The following DYNC2H1 variants were observed in gnomAD, a reference collection of about 807,000 sequenced individuals.
DYNC2H1 encodes dynein cytoplasmic 2 heavy chain 1.
In DYNC2H1, 410 loss-of-function variants were observed where a neutral mutation model predicts 570.0. That is an observed-to-expected ratio of 0.72 (90% CI 0.66 to 0.78). DYNC2H1 has a LOEUF of 0.78. Among genes scored for constraint, DYNC2H1 ranks in the 30% least tolerant of loss-of-function variants. The probability of loss-of-function intolerance (pLI) is 0.00; values close to 1 mark genes in which losing one functional copy is unlikely to be tolerated. For synonymous variants in DYNC2H1, 1,688 were observed against 1,677.6 expected (o/e 1.01, Z -0.15); for missense variants, 4,865 against 5,046.4 (o/e 0.96, Z 1.09).
At chr11:103,457,892 C>T (rs1944851457) in intron 87 of DYNC2H1, among the ~76,000 whole-genome samples, 1 of 152,030 alleles carries the variant, frequency 6.6e-6, no homozygotes, top group African/African-American at 2.4e-5. Context: ...ATTTTTTTAA[C>T]TTTTTGACTT....
In DYNC2H1 at chr11:103,228,066, A is replaced by G. The variant is rs1273602077; in HGVS notation, c.9354-3194A>G. On this transcript the variant is annotated intron_variant, in intron 59 of 88. Transcript: ENST00000375735. The surrounding 1 kb of genome is among the most constrained non-coding windows in gnomAD (Gnocchi z 6.1). The stretch of plus-strand genomic sequence containing the variant: ...TTTTCCACCCCTTTACCTTAAGTTT[A>G]TGAGAGTCCTTATTGTGTCAGGTGA... 6.6e-6 allele frequency among the ~76,000 whole-genome samples: 1 copy of G among 152,132 alleles called. No homozygotes were observed. Among genetic ancestry groups the G allele is most frequent in the Non-Finnish European group, 1.5e-5 (1 of 68,018 alleles).
intron 1 of DYNC2H1, among the ~76,000 whole-genome samples, chr11:103,110,063 C>T (rs1858036964): frequency 6.6e-6 from 1 of 152,144 alleles, no homozygotes; most frequent in South Asian, 2.1e-4. Flanking sequence ...TTCGTTCTGT[C>T]GCTTAGGCTG....
intron 26 of DYNC2H1, among the ~76,000 whole-genome samples, chr11:103,158,313 G>T (rs1286811586): frequency 6.6e-6 from 1 of 152,168 alleles, no homozygotes; most frequent in Non-Finnish European, 1.5e-5. Context: ...GCTAGGCGCG[G>T]TGGCGGGTGC....
At chr11:103,427,607 G>GT (rs1434780253) in intron 84 of DYNC2H1, among the ~76,000 whole-genome samples, 1 of 152,140 alleles carries the variant, frequency 6.6e-6, no homozygotes, top group Non-Finnish European at 1.5e-5. Context: ...AGGGCTGGCA[G>GT]ATCTGGTGGT....
At chr11:103,301,872 A>G (rs1307787167) in intron 75 of DYNC2H1, among the ~76,000 whole-genome samples, 2 of 151,838 alleles carry the variant, frequency 1.3e-5, no homozygotes, top group South Asian at 2.1e-4. Context: ...ATTCACTTCT[A>G]TTTTTGAGAA....
rs1418129915 is a variant in DYNC2H1 at position 103,239,559 on chromosome 11, G to A, written c.9819+3020G>A. Among the ~76,000 whole-genome samples, 2 of 151,844 alleles carry A rather than the reference G, an allele frequency of 1.3e-5. No individual in the cohort carries two copies. The highest frequency in any genetic ancestry group is 2.9e-5 in the Non-Finnish European group (2 of 67,972). ...GAGGCACAGAAGAGTTAATTCACTT[G>A]TCTAAGGTCACATGGCTATCAAGTG... On this transcript the variant is annotated intron_variant, in intron 63 of 88. Transcript: ENST00000375735. This position sits in a 1 kb window ranked among gnomAD's most constrained non-coding sequence, Gnocchi z 4.3.
In DYNC2H1 at chr11:103,135,928, G is replaced by A. The variant is rs764763764; in HGVS notation, c.2554G>A (p.Ala852Thr). Reference protein sequence around the residue: ...KAEDLFRRLSAVLHQHKEWIV... With the variant: ...KAEDLFRRLSTVLHQHKEWIV... ...AGAAGATCTGTTTAGAAGATTGTCA[G>A]CTGTTTTACACCAACATAAGGTATA... Residue 852 changes from alanine (A) to threonine (T), a missense_variant, in exon 17 of 89, where the codon GCT (alanine) becomes ACT (threonine). By Grantham distance (58) the Ala-to-Thr change is moderately conservative. Transcript: ENST00000375735. 4.4e-6 allele frequency: 7 copies of A among 1,607,936 alleles called. No individual in the cohort carries two copies. The Admixed American group carries it at 5.0e-5, about 12-fold the overall frequency.
intron 54 of DYNC2H1, among the ~76,000 whole-genome samples, chr11:103,213,593 T>G: frequency 6.6e-6 from 1 of 150,484 alleles, no homozygotes; most frequent in East Asian, 2.0e-4. Flanking sequence ...TGTTGAACAT[T>G]TTTTCATATA....
intron 47 of DYNC2H1, among the ~76,000 whole-genome samples, chr11:103,193,182 T>G (rs1307156525): frequency 6.6e-6 from 1 of 152,148 alleles, no homozygotes; most frequent in African/African-American, 2.4e-5. Context: ...AAGAGAAACT[T>G]CAAGAAGGAT....
At chr11:103,136,942 A>G (rs1210759940) in intron 17 of DYNC2H1, among the ~76,000 whole-genome samples, 1 of 151,400 alleles carries the variant, frequency 6.6e-6, no homozygotes, top group Non-Finnish European at 1.5e-5. Context: ...ATGGTATCTC[A>G]TTGTGGTTTT....
intron 70 of DYNC2H1, among the ~76,000 whole-genome samples, chr11:103,278,883 T>C (rs1866017827): frequency 6.6e-6 from 1 of 152,154 alleles, no homozygotes; most frequent in African/African-American, 2.4e-5. Flanking sequence ...GGGTTCTTAA[T>C]GCCCATGTAA....
chr11:103,125,372 T>C, intron 12 of DYNC2H1, 77 bp downstream of exon 12: 1 of 1,160,838 alleles, frequency 8.6e-7, no homozygotes, highest in African/African-American at 1.6e-5. Context: ...AAGGCTTTTT[T>C]TTTTTTTTTT....
At position 103,133,109 on chromosome 11, in the gene DYNC2H1, C is replaced by T. The variant is rs2134768134; in HGVS notation, c.1954-446C>T. Among the ~76,000 whole-genome samples, 1 of 152,224 alleles carries T rather than the reference C, an allele frequency of 6.6e-6. No individual in the cohort carries two copies. The highest frequency in any genetic ancestry group is 3.4e-3 in the Middle Eastern group (1 of 294). On this transcript the variant is annotated intron_variant, in intron 13 of 88. Coordinates refer to ENST00000375735, the MANE Select transcript of DYNC2H1 (RefSeq NM_001377.3). This position sits in a 1 kb window ranked among gnomAD's most constrained non-coding sequence, Gnocchi z 4.8. ...TTAAGCTACAATAGGATGTGTATTGCTAAAAATGTTTTCTCTTGTTAGGCT... is the reference window on the plus strand; with the variant it reads ...TTAAGCTACAATAGGATGTGTATTGTTAAAAATGTTTTCTCTTGTTAGGCT...
rs959054310 is a variant in DYNC2H1 at position 103,189,148 on chromosome 11, A to T, written c.7292+500A>T. On this transcript the variant is annotated intron_variant, in intron 44 of 88. Transcript: ENST00000375735. This position sits in a 1 kb window ranked among gnomAD's most constrained non-coding sequence, Gnocchi z 4.3. ...TAATATACATTATATTACATTACAA[A>T]TATTGAATATTACAAAACCTTATTT... Among the ~76,000 whole-genome samples, 11 of 152,204 alleles carry T rather than the reference A, an allele frequency of 7.2e-5. No homozygotes were observed. The highest frequency in any genetic ancestry group is 2.6e-4 in the African/African-American group (11 of 41,544).
chr11:103,412,408 A>G (rs751091505), intron 84 of DYNC2H1, among the ~76,000 whole-genome samples: 1 of 152,204 alleles, frequency 6.6e-6, no homozygotes, highest in Non-Finnish European at 1.5e-5. Context: ...TATCTTCTAC[A>G]TGTTAGAACA....
At chr11:103,227,756 A>T (rs908731386) in intron 59 of DYNC2H1, among the ~76,000 whole-genome samples, 1 of 152,076 alleles carries the variant, frequency 6.6e-6, no homozygotes, top group African/African-American at 2.4e-5. Context: ...TGTCTTGATG[A>T]CTTGTCTAGT....
chr11:103,221,862 A>T (rs1042088731), intron 57 of DYNC2H1, among the ~76,000 whole-genome samples, 168 bp from the exon 58 acceptor site: 1 of 152,192 alleles, frequency 6.6e-6, no homozygotes, highest in Non-Finnish European at 1.5e-5. Context: ...TCTCAAATCA[A>T]ACAAACAAAA....
intron 70 of DYNC2H1, among the ~76,000 whole-genome samples, chr11:103,270,293 A>G (rs583212): frequency 0.056 from 8,478 of 151,986 alleles, 315 homozygotes; most frequent in Middle Eastern, 0.13. Flanking sequence ...GGGGGATACA[A>G]TCCAAGACAC....
At chr11:103,156,266 T>C in intron 25 of DYNC2H1, 122 bp from the exon 26 acceptor site, 1 of 1,025,920 alleles carries the variant, frequency 9.7e-7, no homozygotes, top group Non-Finnish European at 1.4e-6. Context: ...ACTTAACTTT[T>C]TTTTTTTTGC....
Sources: allele counts gnomAD v4.1 joint callset (sites outside exome capture counted in the v4.1 genomes callset), GRCh38; gene constraint gnomAD v4.1.1; non-coding constraint Gnocchi (gnomAD v3.1); transcripts MANE v1.5; gene names NCBI Gene and HGNC (gene_info 2026-07-23, HGNC 2026-07-21).